The following GTPBP1 variants were observed in gnomAD, a reference collection of about 807,000 sequenced individuals.
GTPBP1 encodes GTP binding protein 1.
A neutral mutation model predicts 62.0 loss-of-function variants in GTPBP1; 23 were observed. The ratio of observed to expected loss-of-function variants is 0.37; its 90% confidence interval spans 0.27 to 0.53. The LOEUF (loss-of-function observed/expected upper bound fraction) is 0.53. GTPBP1 is among the 20% of genes least tolerant of loss of function. GTPBP1 has a pLI of 0.89. For missense variants in GTPBP1, 640 were observed against 917.3 expected, an observed-to-expected ratio of 0.70 and a Z score of 3.90; for synonymous variants, 344 against 364.4, an observed-to-expected ratio of 0.94 and a Z score of 0.64.
intron 2 of GTPBP1, among the ~76,000 whole-genome samples, chr22:38,709,733 A>T (rs1327177053): frequency 6.6e-6 from 1 of 152,164 alleles, no homozygotes; most frequent in Non-Finnish European, 1.5e-5. Flanking sequence ...CTCTCTTGTC[A>T]GGCTCCTTGC....
downstream of GTPBP1, chr22:38,739,076 C>A: frequency 7.7e-7 from 1 of 1,303,800 alleles, no homozygotes; most frequent in Non-Finnish European, 1.1e-6. The surrounding 1 kb of genome is among the most constrained non-coding windows in gnomAD (Gnocchi z 6.7). Context: ...TGAAGGTGGA[C>A]GGCAGATGCC....
At chr22:38,725,346 T>C (rs899290994) in intron 6 of GTPBP1, 1 of 152,514 alleles carries the variant, frequency 6.6e-6, no homozygotes, top group African/African-American at 2.4e-5. Flanking sequence ...TCATGTGTAA[T>C]AGAGAAAAAG....
chr22:38,742,612 C>G, downstream of GTPBP1: 1 of 1,551,968 alleles, frequency 6.4e-7, no homozygotes, highest in Non-Finnish European at 8.7e-7. Flanking sequence ...TAGTGCTTCC[C>G]AAAGACCACC....
At chr22:38,740,009 G>A, downstream of GTPBP1, 1 of 1,540,452 alleles carries the variant, frequency 6.5e-7, no homozygotes, top group Non-Finnish European at 8.8e-7. This position sits in a 1 kb window ranked among gnomAD's most constrained non-coding sequence, Gnocchi z 4.8. Context: ...GCTATGACAG[G>A]GCTAGTGCTT....
At chr22:38,722,867 C>A in intron 5 of GTPBP1, 2 of 1,437,994 alleles carry the variant, frequency 1.4e-6, no homozygotes, top group Non-Finnish European at 2.0e-6. Context: ...ACGCCTTCAC[C>A]AAGTGGAGGG....
intron 5 of GTPBP1, chr22:38,723,494 G>A: frequency 2.7e-6 from 2 of 751,112 alleles, no homozygotes; most frequent in African/African-American, 1.7e-5. Flanking sequence ...CCTTCCCACA[G>A]CAGCTACCAT....
At chr22:38,739,175 C>T, downstream of GTPBP1, 2 of 908,474 alleles carry the variant, frequency 2.2e-6, no homozygotes, top group Non-Finnish European at 3.5e-6. This position sits in a 1 kb window ranked among gnomAD's most constrained non-coding sequence, Gnocchi z 6.7. Flanking sequence ...TCGGTACGTC[C>T]TGACTTCCCT....
At chr22:38,736,721 A>G (rs372995974), downstream of GTPBP1, 2 of 196,740 alleles carry the variant, frequency 1.0e-5, no homozygotes, top group South Asian at 1.0e-4. Flanking sequence ...TCCAGTGCCC[A>G]TCGGGCCTCT....
Position 38,730,922 on chromosome 22 carries a change from T to TC in GTPBP1, c.*222dup. The TC allele has an allele frequency of 1.9e-6, 1 of 537,006 alleles. No homozygotes were observed. Among genetic ancestry groups the TC allele is most frequent in the Non-Finnish European group, 3.3e-6 (1 of 304,666 alleles). The allele number at this position is 537,006 out of a possible 1,614,324, so 33.3% of individuals were successfully genotyped here. A position where few individuals can be genotyped will look rare whatever the true frequency, so the allele number is the denominator to read the frequency against. On this transcript the variant is annotated 3_prime_UTR_variant, in exon 12 of 12. Transcript: ENST00000216044. The surrounding 1 kb of genome is among the most constrained non-coding windows in gnomAD (Gnocchi z 5.6). ...GAGGACTGACCATCTCTCACTGTCC[T>TC]CCCCACCTTCTTCCTCACTCACACA...
chr22:38,739,080 A>AG, downstream of GTPBP1: 1 of 1,276,044 alleles, frequency 7.8e-7, no homozygotes, highest in Non-Finnish European at 1.1e-6. This position sits in a 1 kb window ranked among gnomAD's most constrained non-coding sequence, Gnocchi z 6.7. Context: ...GGTGGACGGC[A>AG]GATGCCCCAG....
intron 2 of GTPBP1, among the ~76,000 whole-genome samples, chr22:38,715,595 G>A (rs181673088): frequency 3.3e-5 from 5 of 152,284 alleles, no homozygotes; most frequent in African/African-American, 1.2e-4. Context: ...CCCCCACTGG[G>A]CTGTGAGCTC....
At position 38,726,401 on chromosome 22, in the gene GTPBP1, G is replaced by C; in HGVS notation, c.1362G>C (p.Glu454Asp). 6.2e-7 allele frequency: 1 copy of C among 1,614,014 alleles called. No individual in the cohort carries two copies. The highest frequency in any genetic ancestry group is 8.5e-7 in the Non-Finnish European group (1 of 1,180,016). ...SIHRKRMPVK[E>D]VRGGQTASFA... ...ATCGCAAGCGCATGCCTGTCAAGGA[G>C]GTGCGGGGTGGCCAGACAGCATCCT... The change falls in exon 8 of 12, where the codon GAG (glutamate) becomes GAC (aspartate). Residue 454 changes from glutamate (E) to aspartate (D), a missense_variant. Glu to Asp is a conservative substitution (Grantham distance 45). This residue lies in a region of GTPBP1 where 220 missense variants were observed against 358.1 expected (regional missense o/e 0.61). Coordinates refer to ENST00000216044, the MANE Select transcript of GTPBP1 (RefSeq NM_004286.5). This position sits in a 1 kb window ranked among gnomAD's most constrained non-coding sequence, Gnocchi z 4.1.
At chr22:38,707,402 G>C (rs1432552441) in intron 1 of GTPBP1, among the ~76,000 whole-genome samples, 2 of 152,218 alleles carry the variant, frequency 1.3e-5, no homozygotes, top group Non-Finnish European at 2.9e-5. Context: ...ACTGCTCTTT[G>C]CCATTGTAGT....
At chr22:38,741,289 C>T (rs987642392), downstream of GTPBP1, among the ~76,000 whole-genome samples, 1 of 152,164 alleles carries the variant, frequency 6.6e-6, no homozygotes, top group African/African-American at 2.4e-5. Context: ...CATGACAGGC[C>T]GCTGTGCCCT....
intron 4 of GTPBP1, among the ~76,000 whole-genome samples, chr22:38,720,817 A>T (rs1283537236): frequency 2.6e-5 from 4 of 152,358 alleles, no homozygotes; most frequent in Non-Finnish European, 5.9e-5. Context: ...ACATTTAAAC[A>T]TCAAGTGACC....
chr22:38,718,231 G>A (rs904366795), intron 4 of GTPBP1, among the ~76,000 whole-genome samples: 1 of 152,190 alleles, frequency 6.6e-6, no homozygotes, highest in Non-Finnish European at 1.5e-5. Context: ...TCCAGAGGGC[G>A]TATTTAGGGG....
chr22:38,716,990 G>T lies in GTPBP1; in HGVS notation c.824G>T (p.Cys275Phe). ...FGMTGHLPDFCMLMVGSNAGI... is the reference protein window; with the variant it reads ...FGMTGHLPDFFMLMVGSNAGI... ...ATGACAGGCCATCTGCCTGACTTCTGCATGCTCATGGTGAGTGGGAGGCGC... is the reference window on the plus strand; with the variant it reads ...ATGACAGGCCATCTGCCTGACTTCTTCATGCTCATGGTGAGTGGGAGGCGC... The change falls in exon 4 of 12, where the codon TGC becomes TTC. Residue 275 changes from cysteine (C) to phenylalanine (F), a missense_variant. Physicochemically the swap from Cys to Phe is radical, Grantham distance 205. Transcript: ENST00000216044. The surrounding 1 kb of genome is among the most constrained non-coding windows in gnomAD (Gnocchi z 5.2). The T allele has an allele frequency of 6.2e-7, 1 of 1,606,512 alleles. No individual in the cohort carries two copies. Among genetic ancestry groups the T allele is most frequent in the Non-Finnish European group, 8.5e-7 (1 of 1,173,802 alleles).
chr22:38,707,516 G>A (rs982459127), intron 1 of GTPBP1, among the ~76,000 whole-genome samples: 16 of 152,314 alleles, frequency 1.1e-4, no homozygotes, highest in African/African-American at 3.8e-4. Context: ...GGGATGGCCA[G>A]GACGATGTAA....
intron 1 of GTPBP1, among the ~76,000 whole-genome samples, chr22:38,708,558 G>C (rs761252348): frequency 2.6e-5 from 4 of 152,144 alleles, no homozygotes; most frequent in Non-Finnish European, 4.4e-5. Context: ...CAGTCACTTG[G>C]GTCCTGCCCT....
Sources: gnomAD v4.1 joint callset for allele counts (sites outside exome capture counted in the v4.1 genomes callset) on GRCh38, gnomAD v4.1.1 for gene constraint, gnomAD v4.1.1 regional missense constraint, Gnocchi (gnomAD v3.1) non-coding constraint, MANE v1.5 for transcripts, NCBI Gene and HGNC (gene_info 2026-07-23, HGNC 2026-07-21) for gene names.